The following CHFR variants were observed in gnomAD, a reference collection of about 807,000 sequenced individuals.
CHFR encodes checkpoint with forkhead and ring finger domains.
Under a neutral mutation model 87.6 loss-of-function variants are expected in CHFR, and 57 were observed. The ratio of observed to expected loss-of-function variants is 0.65; its 90% confidence interval spans 0.53 to 0.81. CHFR has a LOEUF of 0.81. Ranked by LOEUF, CHFR falls within the 30% of genes least tolerant of loss-of-function variation. The pLI is 0.00. For synonymous variants in CHFR, 381 were observed against 359.2 expected (o/e 1.06, Z -0.69); for missense variants, 797 against 865.8 (o/e 0.92, Z 1.00).
intron 8 of CHFR, among the ~76,000 whole-genome samples, chr12:132,858,316 C>T (rs1951129892): frequency 1.3e-5 from 2 of 151,996 alleles, no homozygotes; most frequent in Admixed American, 6.6e-5. Context: ...GCCAAGATCA[C>T]ACCACTACAC....
At chr12:132,873,990 G>A (rs1487701867) in intron 3 of CHFR, among the ~76,000 whole-genome samples, 1 of 152,066 alleles carries the variant, frequency 6.6e-6, no homozygotes, top group Non-Finnish European at 1.5e-5. Context: ...CCCTACACAC[G>A]TGGTTCCTTC....
intron 17 of CHFR, among the ~76,000 whole-genome samples, chr12:132,842,194 C>T (rs1368367723): frequency 2.0e-5 from 3 of 152,154 alleles, no homozygotes; most frequent in Non-Finnish European, 4.4e-5. Flanking sequence ...CTCAGGCATC[C>T]CCGTGGCATC....
chr12:132,880,548 C>T (rs552569241), intron 2 of CHFR, among the ~76,000 whole-genome samples: 1 of 152,136 alleles, frequency 6.6e-6, no homozygotes, highest in East Asian at 1.9e-4. Flanking sequence ...GTCCCAGCTA[C>T]TCAGGAGGCT....
chr12:132,844,637 T>A lies in CHFR; in HGVS notation c.1736-503A>T, dbSNP rs572448885. Among the ~76,000 whole-genome samples the A allele has an allele frequency of 2.6e-5, 4 of 151,202 alleles. No individual in the cohort carries two copies. In the South Asian group the frequency reaches 8.4e-4, roughly 32 times the overall value. On this transcript the variant is annotated intron_variant, in intron 15 of 17. Coordinates refer to ENST00000450056, the MANE Select transcript of CHFR (RefSeq NM_001161346.2). ...TCCCACGTGGATATAACATTTATTTTATTTATTTTTTGAGACCAAGTCTTG... is the reference window on the plus strand; with the variant it reads ...TCCCACGTGGATATAACATTTATTTAATTTATTTTTTGAGACCAAGTCTTG...
chr12:132,856,497 T>C lies in CHFR; in HGVS notation c.1200A>G (p.Ser400=). Residue 400 remains serine, a synonymous_variant, in exon 10 of 18, where the codon TCA becomes TCG. Coordinates refer to ENST00000450056, the MANE Select transcript of CHFR (RefSeq NM_001161346.2). Reference sequence around the variant, plus strand: ...TGTCTGAGGACTCACTGTCAACGTCTGACAGCTCCAGCAGGTCCTCTGAAC... The same window carrying C: ...TGTCTGAGGACTCACTGTCAACGTCCGACAGCTCCAGCAGGTCCTCTGAAC... The part of the protein sequence containing the change: ...EGSSEDLLEL[S]DVDSESSDIS... 1.2e-6 allele frequency: 2 copies of C among 1,614,210 alleles called. No individual in the cohort carries two copies. The highest frequency in any genetic ancestry group is 1.7e-6 in the Non-Finnish European group (2 of 1,180,056).
chr12:132,862,638 T>A (rs561087370), intron 6 of CHFR, among the ~76,000 whole-genome samples: 160 of 152,108 alleles, frequency 1.1e-3, no homozygotes, highest in Non-Finnish European at 1.9e-3. Flanking sequence ...TTGCCCAGGC[T>A]GGAGTGCAGT....
intron 7 of CHFR, 75 bp downstream of exon 7, chr12:132,861,392 C>G: frequency 1.4e-6 from 2 of 1,463,164 alleles, no homozygotes; most frequent in East Asian, 4.6e-5. Context: ...CCCCACAGCA[C>G]GGAGCATGGC....
At chr12:132,882,309 G>A (rs1277444268) in intron 2 of CHFR, among the ~76,000 whole-genome samples, 1 of 152,162 alleles carries the variant, frequency 6.6e-6, no homozygotes, top group Non-Finnish European at 1.5e-5. Context: ...CCTGTGTCAC[G>A]ACACGCTGGA....
In CHFR at chr12:132,834,520, G is replaced by A. The variant is rs1183503741; in HGVS notation, c.*7034C>T. 2 of 152,166 alleles carry A rather than the reference G, an allele frequency of 1.3e-5. No individual in the cohort carries two copies. The highest frequency in any genetic ancestry group is 6.5e-5 in the Admixed American group (1 of 15,270). The allele number at this position is 152,166 out of a possible 1,614,324, so 9.4% of individuals were successfully genotyped here. A position where few individuals can be genotyped will look rare whatever the true frequency, so the allele number is the denominator to read the frequency against. The stretch of plus-strand genomic sequence containing the variant: ...TTATTCTCTTGCAGTTCTGGAGCTC[G>A]GAAGTCCAAAATGAAGGGGCAGGCA... On this transcript the variant is annotated 3_prime_UTR_variant, in exon 18 of 18. Transcript: ENST00000450056.
chr12:132,843,098 G>A lies in CHFR; in HGVS notation c.1844-15C>T, dbSNP rs778301903. 4.0e-5 allele frequency: 64 copies of A among 1,610,332 alleles called. No homozygotes were observed. Among genetic ancestry groups the A allele is most frequent in the Non-Finnish European group, 5.4e-5 (64 of 1,178,270 alleles). ...TGTTACGGCCACTGGAAAAAGAGAA[G>A]GGGTACGCATCTATGAGATGTATTG... On this transcript the variant is annotated splice_polypyrimidine_tract_variant and intron_variant, in intron 16 of 17. Coordinates refer to ENST00000450056, the MANE Select transcript of CHFR (RefSeq NM_001161346.2).
chr12:132,865,651 G>GTTTTTTTTTTTTTTTTTTTTTTT lies in CHFR; in HGVS notation c.583+3967_583+3968insAAAAAAAAAAAAAAAAAAAAAAA. Reference sequence around the variant, plus strand: ...GCTTCCCAAAGTGCTGGGATTACAGGTCTTTTTTTTTTTTTTTTTTTTTTT... The same window carrying GTTTTTTTTTTTTTTTTTTTTTTT: ...GCTTCCCAAAGTGCTGGGATTACAGGTTTTTTTTTTTTTTTTTTTTTTTTCTTTTTTTTTTTTTTTTTTTTTTT... On this transcript the variant is annotated intron_variant, in intron 6 of 17. Coordinates refer to ENST00000450056, the MANE Select transcript of CHFR (RefSeq NM_001161346.2). Among the ~76,000 whole-genome samples the GTTTTTTTTTTTTTTTTTTTTTTT allele has an allele frequency of 1.6e-5, 2 of 127,018 alleles. 1 individual carries two copies. Among genetic ancestry groups the GTTTTTTTTTTTTTTTTTTTTTTT allele is most frequent in the African/African-American group, 5.9e-5 (2 of 33,748 alleles). 83.3% of individuals were successfully genotyped at this position (127,018 alleles called of 152,430 possible).
chr12:132,835,883 C>G lies in CHFR; in HGVS notation c.*5671G>C, dbSNP rs111628027. The G allele has an allele frequency of 0.15, 35,541 of 241,696 alleles. 2,559 individuals are homozygous for G. Among genetic ancestry groups the G allele is most frequent in the Non-Finnish European group, 0.2 (24,952 of 122,556 alleles). 15.0% of individuals were successfully genotyped at this position (241,696 alleles called of 1,614,324 possible). On this transcript the variant is annotated 3_prime_UTR_variant, in exon 18 of 18. Transcript: ENST00000450056. The stretch of plus-strand genomic sequence containing the variant: ...AGTGATAGGCTCCCAGCACGGCGCA[C>G]GGCACTCACAGTGCCAGGCTCCCAG...
chr12:132,883,470 A>G (rs530226230), intron 2 of CHFR, among the ~76,000 whole-genome samples: 434 of 151,468 alleles, frequency 2.9e-3, no homozygotes, highest in Non-Finnish European at 4.9e-3. Flanking sequence ...TCACGCCTCT[A>G]ATCCCAGCAC....
At chr12:132,876,017 A>G (rs1424629969) in intron 3 of CHFR, among the ~76,000 whole-genome samples, 1 of 152,056 alleles carries the variant, frequency 6.6e-6, no homozygotes, top group East Asian at 1.9e-4. Flanking sequence ...TCTACTAAAA[A>G]CACAAAAAAA....
In CHFR at chr12:132,836,542, G is replaced by A. The variant is rs1016985244; in HGVS notation, c.*5012C>T. 25 of 390,978 alleles carry A rather than the reference G, an allele frequency of 6.4e-5. No homozygotes were observed. The highest frequency in any genetic ancestry group is 1.2e-4 in the Non-Finnish European group (24 of 201,130). The allele number at this position is 390,978 out of a possible 1,614,324, so 24.2% of individuals were successfully genotyped here. ...ACTCACAGTGACAGGCTCCCAGCAC[G>A]GCGCACGGCACTCACAGTGACAGGC... On this transcript the variant is annotated 3_prime_UTR_variant, in exon 18 of 18. Coordinates refer to ENST00000450056, the MANE Select transcript of CHFR (RefSeq NM_001161346.2).
rs1460603946 is a variant in CHFR, at chr12:132,869,628, A to T, written c.574T>A (p.Ser192Thr). ...TGAGATGTGACCTCACCACAACTGGAGGAACGCTCTCGCCCTGCAGGAGAA... is the reference window on the plus strand; with the variant it reads ...TGAGATGTGACCTCACCACAACTGGTGGAACGCTCTCGCCCTGCAGGAGAA... ...EPSPAGRERS[S>T]SCGSGGGGIS... Residue 192 changes from serine to threonine, a missense_variant, in exon 6 of 18, where the codon TCC becomes ACC. Physicochemically the swap from Ser to Thr is moderately conservative, Grantham distance 58 (BLOSUM62 1). This residue lies in a region of CHFR where 597 missense variants were observed against 601.2 expected (regional missense o/e 0.99). Transcript: ENST00000450056. The T allele has an allele frequency of 6.4e-7, 1 of 1,551,560 alleles. No homozygotes were observed. Among genetic ancestry groups the T allele is most frequent in the African/African-American group, 1.4e-5 (1 of 73,152 alleles).
chr12:132,865,134 C>T (rs889804975), intron 6 of CHFR, among the ~76,000 whole-genome samples: 1 of 152,222 alleles, frequency 6.6e-6, no homozygotes, highest in Admixed American at 6.5e-5. Flanking sequence ...ACTTGAAACG[C>T]TGTGGGCCAC....
chr12:132,877,769 A>G (rs549150480), intron 2 of CHFR, 115 bp from the exon 3 acceptor site: 1 of 340,490 alleles, frequency 2.9e-6, no homozygotes, highest in African/African-American at 2.9e-5. Context: ...GTACATATGT[A>G]AAAAAAAACA....
At chr12:132,850,447 T>A (rs1162769389) in intron 12 of CHFR, among the ~76,000 whole-genome samples, 3 of 152,100 alleles carry the variant, frequency 2.0e-5, no homozygotes, top group Admixed American at 1.3e-4. Flanking sequence ...ACCGCGTGTG[T>A]GAGACATGGG....
Sources: gnomAD v4.1 joint callset for allele counts (sites outside exome capture counted in the v4.1 genomes callset) on GRCh38, gnomAD v4.1.1 for gene constraint, gnomAD v4.1.1 regional missense constraint, MANE v1.5 for transcripts, NCBI Gene and HGNC (gene_info 2026-07-23, HGNC 2026-07-21) for gene names.